Variants in NRP2 observed in about 807,000 individuals in gnomAD.
NRP2 encodes the protein neuropilin-2.
Under a neutral mutation model 110.4 loss-of-function variants are expected in NRP2, and 52 were observed. The observed-to-expected ratio is 0.47, with a 90% CI of 0.38 to 0.59. The LOEUF is 0.59. NRP2 is among the 20% of genes least tolerant of loss of function. The pLI is 0.00. For synonymous variants in NRP2, 508 were observed against 468.9 expected, an observed-to-expected ratio of 1.08 and a Z score of -1.08; for missense variants, 1,049 against 1,203.0, an observed-to-expected ratio of 0.87 and a Z score of 1.89.
chr2:205,776,071 A>C (rs762867086), intron 15 of NRP2: 13 of 770,076 alleles, frequency 1.7e-5, no homozygotes, highest in Non-Finnish European at 3.0e-5. Flanking sequence ...GTAGGAAATA[A>C]TGCAATCGTT....
At chr2:205,737,315 G>A (rs2057362605) in intron 7 of NRP2, among the ~76,000 whole-genome samples, 1 of 152,238 alleles carries the variant, frequency 6.6e-6, no homozygotes, top group Admixed American at 6.5e-5. Flanking sequence ...GACACTGTTA[G>A]AGCAGTTCAA....
chr2:205,697,588 A>G lies in NRP2; in HGVS notation c.118A>G (p.Ile40Val), dbSNP rs190705091. 3 of 1,613,876 alleles carry G rather than the reference A, an allele frequency of 1.9e-6. 1 individual carries two copies. The highest frequency in any genetic ancestry group is 4.5e-5 in the East Asian group (2 of 44,886). ...GRLNSKDAGY[I>V]TSPGYPQDYP... is the part of the protein sequence containing the mutation. ...TTTGAATTCCAAAGATGCTGGCTAT[A>G]TCACCTCTCCCGGTTACCCCCAGGA... The change falls in exon 2 of 17, where the codon ATC becomes GTC. Residue 40 changes from isoleucine to valine, a missense_variant. Transcript: ENST00000357785.
chr2:205,698,487 G>C (rs993633990), intron 2 of NRP2, among the ~76,000 whole-genome samples: 1 of 152,220 alleles, frequency 6.6e-6, no homozygotes, highest in Non-Finnish European at 1.5e-5. Context: ...TACAACATTG[G>C]TTCTGCCACC....
At chr2:205,742,366 A>G (rs1444819579) in intron 8 of NRP2, among the ~76,000 whole-genome samples, 1 of 152,252 alleles carries the variant, frequency 6.6e-6, no homozygotes, top group African/African-American at 2.4e-5. Context: ...TAGAACTTTC[A>G]GGCTACTGAG....
intron 15 of NRP2, chr2:205,777,201 C>T: frequency 1.0e-6 from 1 of 961,228 alleles, no homozygotes; most frequent in Non-Finnish European, 1.2e-6. Context: ...TCTCCAGGTA[C>T]CTAAAGAAAT....
intron 6 of NRP2, among the ~76,000 whole-genome samples, chr2:205,727,092 G>A (rs573807540): frequency 5.1e-4 from 78 of 152,330 alleles, no homozygotes; most frequent in Non-Finnish European, 9.4e-4. Context: ...CATACGTGTA[G>A]ACAGCACTAT....
chr2:205,684,617 G>T (rs1489421920), intron 1 of NRP2, among the ~76,000 whole-genome samples: 1 of 152,188 alleles, frequency 6.6e-6, no homozygotes, highest in East Asian at 1.9e-4. Context: ...GAGGGGGGAA[G>T]AAAATTCAGG....
intron 2 of NRP2, chr2:205,701,019 G>A: frequency 4.8e-6 from 1 of 209,408 alleles, no homozygotes; most frequent in Non-Finnish European, 9.9e-6. Context: ...TGCTGCTCCG[G>A]CAGACAGAGG....
intron 7 of NRP2, among the ~76,000 whole-genome samples, chr2:205,739,650 A>C (rs2057404776): frequency 6.6e-6 from 1 of 151,790 alleles, no homozygotes; most frequent in South Asian, 2.1e-4. Flanking sequence ...CAGGAAAACC[A>C]AGGGAAACTC....
chr2:205,763,632 G>T lies in NRP2; in HGVS notation c.2045-42G>T, dbSNP rs779321062. 4 of 1,613,132 alleles carry T rather than the reference G, an allele frequency of 2.5e-6. No homozygotes were observed. The South Asian group carries it at 4.4e-5, about 18-fold the overall frequency. On this transcript the variant is annotated intron_variant, in intron 12 of 16. Coordinates refer to ENST00000357785, the MANE Select transcript of NRP2 (RefSeq NM_003872.3). This position sits in a 1 kb window ranked among gnomAD's most constrained non-coding sequence, Gnocchi z 4.0. ...ACAGCAGCACACTGGTGTCTTTCCC[G>T]AGTGTTTATGGAGAACCTCTGTTTG... is the stretch of plus-strand genomic sequence containing the variant.
In NRP2 at chr2:205,725,944, G is replaced by T; in HGVS notation, c.852G>T (p.Glu284Asp). Residue 284 changes from glutamate (E) to aspartate (D), a missense_variant, in exon 6 of 17, where the codon GAG (glutamate) becomes GAT (aspartate). Physicochemically the swap from Glu to Asp is conservative, Grantham distance 45. Transcript: ENST00000357785. This position sits in a 1 kb window ranked among gnomAD's most constrained non-coding sequence, Gnocchi z 4.1. ...AGTGCAATGTTCCTCTGGGCATGGA[G>T]TCTGGCCGGATTGCTAATGAACAGA... ...NFQCNVPLGMESGRIANEQIS... is the reference protein window; with the variant it reads ...NFQCNVPLGMDSGRIANEQIS... 3 of 1,614,166 alleles carry T rather than the reference G, an allele frequency of 1.9e-6. No individual in the cohort carries two copies. Among genetic ancestry groups the T allele is most frequent in the Non-Finnish European group, 2.5e-6 (3 of 1,180,030 alleles).
intron 6 of NRP2, 30 bp from the exon 7 acceptor site, chr2:205,727,861 G>A (rs373206657): frequency 6.2e-6 from 10 of 1,600,390 alleles, no homozygotes; most frequent in Non-Finnish European, 8.5e-6. Context: ...TGGGAATGGT[G>A]GTCTCTTACT....
In NRP2 at chr2:205,743,510, G is replaced by T; in HGVS notation, c.1599G>T (p.Lys533Asn). ...AAGTCTCCTACAGCCTAAACGGCAA[G>T]GACTGGGAATACATTCAGGACCCCA... ...KFKVSYSLNG[K>N]DWEYIQDPRT... Residue 533 changes from lysine to asparagine, a missense_variant, in exon 9 of 17, where the codon AAG becomes AAT. By Grantham distance (94) the Lys-to-Asn change is moderately conservative. Transcript: ENST00000357785. 1.9e-6 allele frequency: 3 copies of T among 1,614,202 alleles called. No homozygotes were observed. The highest frequency in any genetic ancestry group is 2.5e-6 in the Non-Finnish European group (3 of 1,180,042).
At chr2:205,755,381 A>G (rs2057716512) in intron 12 of NRP2, among the ~76,000 whole-genome samples, 1 of 152,188 alleles carries the variant, frequency 6.6e-6, no homozygotes, top group Non-Finnish European at 1.5e-5. Flanking sequence ...TTATTTTCCT[A>G]TTCCAGAGGA....
chr2:205,765,719 G>A, intron 14 of NRP2, 149 bp downstream of exon 14: 1 of 779,854 alleles, frequency 1.3e-6, no homozygotes, highest in South Asian at 1.3e-5. Context: ...TGTGGGTGTA[G>A]TTGTGTCTTA....
chr2:205,702,252 G>A (rs2056576731), intron 2 of NRP2, among the ~76,000 whole-genome samples: 3 of 152,148 alleles, frequency 2.0e-5, no homozygotes, highest in African/African-American at 4.8e-5. Context: ...GCTTTTTTAT[G>A]GGGTTATCAA....
chr2:205,735,584 A>G (rs1426870734), intron 7 of NRP2, among the ~76,000 whole-genome samples: 1 of 103,668 alleles, frequency 9.6e-6, no homozygotes, highest in Non-Finnish European at 2.1e-5. Context: ...ACTCACAGGA[A>G]TGGTCAAAAT....
chr2:205,731,674 C>G (rs2057243478), intron 7 of NRP2, among the ~76,000 whole-genome samples: 1 of 152,212 alleles, frequency 6.6e-6, no homozygotes, highest in South Asian at 2.1e-4. Context: ...CTGGGCTATT[C>G]TGATGCATTT....
chr2:205,779,057 A>G (rs1332363419), intron 15 of NRP2: 10 of 152,272 alleles, frequency 6.6e-5, no homozygotes, highest in South Asian at 2.1e-4. Context: ...TCTTCTAAGA[A>G]AAATAGACTG....
Sources: gnomAD v4.1 joint callset for allele counts (sites outside exome capture counted in the v4.1 genomes callset) on GRCh38, gnomAD v4.1.1 for gene constraint, Gnocchi (gnomAD v3.1) non-coding constraint, MANE v1.5 for transcripts, NCBI Gene and HGNC (gene_info 2026-07-23, HGNC 2026-07-21) for gene names.